SMIM7: variants seen among roughly 807,000 people sequenced by gnomAD.
SMIM7 encodes UPF0608 protein C19orf42.
SMIM7 carries 12 observed loss-of-function variants against 13.3 expected under a neutral mutation model. The observed-to-expected ratio is 0.90, with a 90% CI of 0.58 to 1.46. The LOEUF (loss-of-function observed/expected upper bound fraction) is 1.46, where lower values mean the gene tolerates loss of function less well. SMIM7 is among the 40% of genes most tolerant of loss of function. The pLI is 0.00. For synonymous variants in SMIM7, 36 were observed against 35.8 expected (o/e 1.01, Z -0.02); for missense variants, 114 against 94.8 (o/e 1.20, Z -0.84).
chr19:16,659,218 G>A (rs1271358425), intron 3 of SMIM7, 177 bp downstream of exon 3: 1 of 678,430 alleles, frequency 1.5e-6, no homozygotes, highest in African/African-American at 1.9e-5. Flanking sequence ...AGGAGGTCGA[G>A]TCTGCAGTGA....
downstream of SMIM7, among the ~76,000 whole-genome samples, chr19:16,643,343 C>T (rs371890952): frequency 1.4e-4 from 22 of 152,224 alleles, no homozygotes; most frequent in African/African-American, 4.6e-4. Context: ...ATTTATTTTT[C>T]CTCTTCTAGC....
At chr19:16,633,688 A>C (rs1278220091) in intron 4 of SMIM7, 2 of 152,062 alleles carry the variant, frequency 1.3e-5, no homozygotes, top group Admixed American at 6.6e-5. Context: ...GTGCCACTAC[A>C]CTCTGGCCTG....
chr19:16,640,104 C>G (rs2086394641), intron 4 of SMIM7: 1 of 152,150 alleles, frequency 6.6e-6, no homozygotes, highest in Non-Finnish European at 1.5e-5. Context: ...CACCCGTCAC[C>G]ACGCCCAGCT....
intron 4 of SMIM7, among the ~76,000 whole-genome samples, chr19:16,639,341 C>T (rs900634359): frequency 6.6e-6 from 1 of 152,078 alleles, no homozygotes; most frequent in African/African-American, 2.4e-5. Flanking sequence ...CCAGGATGGT[C>T]TCGATCTCCT....
At chr19:16,631,756 A>C (rs1273762891) in intron 4 of SMIM7, 2 of 152,222 alleles carry the variant, frequency 1.3e-5, no homozygotes, top group African/African-American at 4.8e-5. Flanking sequence ...GCACAGGGTT[A>C]CTAAACTTAC....
chr19:16,657,436 C>A (rs986223895), intron 3 of SMIM7, among the ~76,000 whole-genome samples: 2 of 152,190 alleles, frequency 1.3e-5, no homozygotes, highest in Non-Finnish European at 1.5e-5. Context: ...TAACACATGG[C>A]TGCTGAGTCA....
At chr19:16,647,300 G>C in intron 4 of SMIM7, 39 bp from the exon 5 acceptor site, 1 of 1,613,054 alleles carries the variant, frequency 6.2e-7, no homozygotes, top group Non-Finnish European at 8.5e-7. Flanking sequence ...GTGAGGATAG[G>C]AGGTGACTGT....
At chr19:16,648,509 G>A (rs2086478215) in intron 4 of SMIM7, among the ~76,000 whole-genome samples, 1 of 152,092 alleles carries the variant, frequency 6.6e-6, no homozygotes, top group African/African-American at 2.4e-5. Flanking sequence ...CATACAAAAT[G>A]GGAGAAAATG....
At chr19:16,638,301 C>CTTTTT (rs375558591) in intron 4 of SMIM7, among the ~76,000 whole-genome samples, 1 of 122,768 alleles carries the variant, frequency 8.1e-6, no homozygotes, top group Non-Finnish European at 1.7e-5. Context: ...TTTCTTTTTT[C>CTTTTT]TTTTTTTTTT....
chr19:16,659,440 T>A lies in SMIM7; in HGVS notation c.76A>T (p.Lys26Ter). ...GAVLNFKLKK[K>*]DTQGFGEESR... is the part of the protein sequence containing the mutation. ...TCCTCCCCAAAGCCCTGCGTGTCCT[T>A]CTTTTTCCTACAAAGAGGAGCAGAC... The change falls in exon 3 of 5, where the codon AAG becomes TAG. Residue 26 changes from lysine to a stop codon, truncating the protein, a stop_gained. Transcript: ENST00000487416. LOFTEE classifies it high-confidence loss of function. 6.2e-7 allele frequency: 1 copy of A among 1,613,402 alleles called. No individual in the cohort carries two copies. The highest frequency in any genetic ancestry group is 8.5e-7 in the Non-Finnish European group (1 of 1,179,770).
At chr19:16,652,881 A>G in intron 4 of SMIM7, 2 of 1,550,538 alleles carry the variant, frequency 1.3e-6, no homozygotes, top group Non-Finnish European at 1.7e-6. Flanking sequence ...TTTACAGCAA[A>G]TCTCACAATT....
At chr19:16,650,929 T>C (rs1392086562) in intron 4 of SMIM7, among the ~76,000 whole-genome samples, 1 of 152,202 alleles carries the variant, frequency 6.6e-6, no homozygotes, top group African/African-American at 2.4e-5. Context: ...GAAGTTAGGC[T>C]GCACAGACAT....
downstream of SMIM7, among the ~76,000 whole-genome samples, chr19:16,642,837 T>C (rs1001860798): frequency 4.0e-5 from 6 of 151,052 alleles, no homozygotes; most frequent in African/African-American, 1.5e-4. Flanking sequence ...TTTTTTTTTT[T>C]TTTTGAGACA....
chr19:16,659,804 G>C, intron 2 of SMIM7, 155 bp downstream of exon 2: 1 of 960,564 alleles, frequency 1.0e-6, no homozygotes, highest in East Asian at 2.6e-5. Flanking sequence ...TGGGGGGCGA[G>C]GAAGATAAAC....
At chr19:16,656,057 A>G (rs906018565) in intron 3 of SMIM7, among the ~76,000 whole-genome samples, 1 of 152,194 alleles carries the variant, frequency 6.6e-6, no homozygotes, top group Non-Finnish European at 1.5e-5. Flanking sequence ...TCGTGAAAAC[A>G]GGACCTCCCA....
At chr19:16,656,430 G>A (rs1462039372) in intron 3 of SMIM7, among the ~76,000 whole-genome samples, 2 of 152,014 alleles carry the variant, frequency 1.3e-5, no homozygotes, top group African/African-American at 4.8e-5. Context: ...CAGTATACAG[G>A]GGATACAGAA....
intron 4 of SMIM7, chr19:16,652,677 C>G (rs990886243): frequency 1.4e-6 from 2 of 1,411,150 alleles, no homozygotes. Context: ...CCCCAGATCT[C>G]CTATGTCCTG....
chr19:16,638,397 G>A lies in SMIM7; in HGVS notation c.*138-6673C>T, dbSNP rs149917691. ...CGGCTCACTGCAACCCCTGCCTCCC[G>A]GGTTCAGGTGATTTTCCTGCCTCAG... On this transcript the variant is annotated intron_variant and NMD_transcript_variant, in intron 4 of 4. Coordinates refer to the SMIM7 transcript ENST00000465250. Among the ~76,000 whole-genome samples the A allele has an allele frequency of 8.9e-5, 13 of 145,466 alleles. No homozygotes were observed. The East Asian group carries it at 2.7e-3, about 31-fold the overall frequency.
At chr19:16,657,831 C>T (rs1189533665) in intron 3 of SMIM7, among the ~76,000 whole-genome samples, 1 of 152,086 alleles carries the variant, frequency 6.6e-6, no homozygotes, top group Admixed American at 6.6e-5. Context: ...AAGAGTTGGA[C>T]ACCAGCCTGG....
Sources: gnomAD v4.1 joint callset for allele counts (sites outside exome capture counted in the v4.1 genomes callset) on GRCh38, gnomAD v4.1.1 for gene constraint, MANE v1.5 for transcripts, NCBI Gene and HGNC (gene_info 2026-07-23, HGNC 2026-07-21) for gene names.